Variants in PDZRN3 observed in about 807,000 individuals in gnomAD.
PDZRN3 encodes E3 ubiquitin-protein ligase PDZRN3.
In PDZRN3, 38 loss-of-function variants were observed where a neutral mutation model predicts 85.7. That is an observed-to-expected ratio of 0.44 (90% CI 0.34 to 0.58). The LOEUF (loss-of-function observed/expected upper bound fraction) is 0.58, where lower values mean the gene tolerates loss of function less well. PDZRN3 is among the 20% of genes least tolerant of loss of function. PDZRN3 has a pLI of 0.01. For missense variants in PDZRN3, 1,629 were observed against 1,506.4 expected, an observed-to-expected ratio of 1.08 and a Z score of -1.35; for synonymous variants, 759 against 638.0, an observed-to-expected ratio of 1.19 and a Z score of -2.86.
chr3:73,406,093 G>A (rs749647543), intron 3 of PDZRN3, among the ~76,000 whole-genome samples: 19 of 149,778 alleles, frequency 1.3e-4, no homozygotes, highest in Non-Finnish European at 2.4e-4. Flanking sequence ...GAGGGAGTTC[G>A]GCAGAAAAGA....
chr3:73,523,434 T>C (rs1704444569), intron 3 of PDZRN3, among the ~76,000 whole-genome samples: 1 of 151,830 alleles, frequency 6.6e-6, no homozygotes, highest in African/African-American at 2.4e-5. Context: ...TTTATTTAAA[T>C]AGTCACAAAT....
chr3:73,531,752 C>T (rs1238877227), intron 3 of PDZRN3, among the ~76,000 whole-genome samples: 12 of 152,188 alleles, frequency 7.9e-5, no homozygotes, highest in East Asian at 5.8e-4. Flanking sequence ...ATTTGCTCAT[C>T]GAGTCTAATC....
chr3:73,590,716 G>T (rs1702345919), intron 3 of PDZRN3, among the ~76,000 whole-genome samples: 2 of 152,094 alleles, frequency 1.3e-5, no homozygotes, highest in South Asian at 4.1e-4. Context: ...ACAAATTCCT[G>T]TATCACCAGC....
intron 3 of PDZRN3, among the ~76,000 whole-genome samples, chr3:73,435,152 C>T (rs7653237): frequency 0.079 from 11,996 of 152,214 alleles, 1,600 homozygotes; most frequent in African/African-American, 0.27. Context: ...ACACCTGAGA[C>T]GTGAATAAAC....
chr3:73,488,495 C>T (rs1266141719), intron 3 of PDZRN3, among the ~76,000 whole-genome samples: 2 of 152,192 alleles, frequency 1.3e-5, no homozygotes, highest in African/African-American at 4.8e-5. Flanking sequence ...CCCAGCTCTT[C>T]CCTTGGATGC....
intron 3 of PDZRN3, among the ~76,000 whole-genome samples, chr3:73,419,958 A>G (rs1032854515): frequency 7.2e-5 from 11 of 152,210 alleles, no homozygotes; most frequent in East Asian, 5.8e-4. Context: ...TAAAATATAC[A>G]TTGCAGAGTC....
intron 3 of PDZRN3, among the ~76,000 whole-genome samples, chr3:73,461,698 G>A (rs557263043): frequency 9.9e-5 from 15 of 152,212 alleles, no homozygotes; most frequent in African/African-American, 1.9e-4. Context: ...ATGGTTTTGC[G>A]GACAGCAGAT....
At chr3:73,608,814 T>C (rs1179652702) in intron 1 of PDZRN3, 130 bp from the exon 2 acceptor site, 2 of 639,166 alleles carry the variant, frequency 3.1e-6, no homozygotes, top group Admixed American at 3.0e-5. Context: ...TCTTGGGAAG[T>C]TTAACCAAGG....
At chr3:73,588,201 G>A (rs536596098) in intron 3 of PDZRN3, among the ~76,000 whole-genome samples, 6 of 152,198 alleles carry the variant, frequency 3.9e-5, no homozygotes, top group East Asian at 1.9e-4. Flanking sequence ...TTCTGTTCCT[G>A]TGTTAGTTTG....
chr3:73,577,498 A>AG (rs1258452620), intron 3 of PDZRN3, among the ~76,000 whole-genome samples: 1 of 152,102 alleles, frequency 6.6e-6, no homozygotes, highest in Non-Finnish European at 1.5e-5. Flanking sequence ...CTCTGTCCCC[A>AG]GGGAGGATAC....
At chr3:73,502,096 A>G (rs559811316) in intron 3 of PDZRN3, among the ~76,000 whole-genome samples, 14 of 152,362 alleles carry the variant, frequency 9.2e-5, no homozygotes, top group African/African-American at 2.6e-4. Context: ...GCTAGCTTGT[A>G]GACCAAATGC....
At chr3:73,387,687 C>T (rs752736113) in intron 8 of PDZRN3, among the ~76,000 whole-genome samples, 8 of 152,136 alleles carry the variant, frequency 5.3e-5, no homozygotes, top group Non-Finnish European at 7.4e-5. Flanking sequence ...GACGTGACCC[C>T]GGTTGTGTTT....
chr3:73,564,648 A>C (rs1282489535), intron 3 of PDZRN3, among the ~76,000 whole-genome samples: 2 of 152,174 alleles, frequency 1.3e-5, no homozygotes, highest in South Asian at 2.1e-4. Flanking sequence ...GGTACCACTC[A>C]GGAACTTTCC....
At chr3:73,539,454 T>A (rs1420603410) in intron 3 of PDZRN3, among the ~76,000 whole-genome samples, 7 of 152,174 alleles carry the variant, frequency 4.6e-5, no homozygotes, top group African/African-American at 7.2e-5. Flanking sequence ...GCCTCAGGAC[T>A]CAGTTGCACT....
chr3:73,494,881 C>T (rs903792893), intron 3 of PDZRN3, among the ~76,000 whole-genome samples: 5 of 152,124 alleles, frequency 3.3e-5, no homozygotes, highest in Non-Finnish European at 7.3e-5. Context: ...AACACCCAAT[C>T]GAGAAAACAT....
intron 1 of PDZRN3, among the ~76,000 whole-genome samples, chr3:73,620,957 C>CT (rs1488967939): frequency 6.6e-6 from 1 of 152,246 alleles, no homozygotes; most frequent in Non-Finnish European, 1.5e-5. Flanking sequence ...GAAACCATAA[C>CT]TGTGTGAAGA....
intron 3 of PDZRN3, among the ~76,000 whole-genome samples, chr3:73,463,943 T>TA (rs1703158220): frequency 6.6e-6 from 1 of 152,144 alleles, no homozygotes; most frequent in Non-Finnish European, 1.5e-5. Context: ...CCCCTGAACT[T>TA]AAAAGTTTTA....
intron 3 of PDZRN3, among the ~76,000 whole-genome samples, chr3:73,415,518 T>C (rs1280820615): frequency 1.3e-5 from 2 of 152,220 alleles, no homozygotes; most frequent in African/African-American, 4.8e-5. Context: ...CAATTTATGA[T>C]GGTTTGACTT....
intron 6 of PDZRN3, 89 bp from the exon 7 acceptor site, chr3:73,389,967 C>T (rs1559651073): frequency 1.1e-6 from 1 of 911,074 alleles, no homozygotes; most frequent in East Asian, 2.4e-5. Context: ...AAAACACAGT[C>T]ATGCTCACCC....
Sources: allele counts gnomAD v4.1 joint callset (sites outside exome capture counted in the v4.1 genomes callset), GRCh38; gene constraint gnomAD v4.1.1; transcripts MANE v1.5; gene names NCBI Gene and HGNC (gene_info 2026-07-23, HGNC 2026-07-21).